Variants in MYOF observed in about 807,000 individuals in gnomAD.
The protein encoded by MYOF is fer-1-like 3, myoferlin.
MYOF carries 244 observed loss-of-function variants against 284.2 expected under a neutral mutation model. That is an observed-to-expected ratio of 0.86 (90% CI 0.77 to 0.95). The LOEUF is 0.95. Ranked by LOEUF, MYOF falls within the 40% of genes least tolerant of loss-of-function variation. The probability of loss-of-function intolerance (pLI) is 0.00; values close to 1 mark genes in which losing one functional copy is unlikely to be tolerated. For synonymous variants in MYOF, 904 were observed against 919.7 expected, an observed-to-expected ratio of 0.98 and a Z score of 0.31; for missense variants, 2,496 against 2,560.6, an observed-to-expected ratio of 0.97 and a Z score of 0.54.
chr10:93,395,173 G>T (rs117729215), intron 16 of MYOF, among the ~76,000 whole-genome samples: 5 of 151,934 alleles, frequency 3.3e-5, no homozygotes, highest in Admixed American at 1.3e-4. Context: ...GGCTGGACAC[G>T]GTGGCTCACG....
Position 93,396,239 on chromosome 10 carries a change from AAAAT to A in MYOF, c.1335-19_1335-16del. The stretch of plus-strand genomic sequence containing the variant: ...TAAGACGGTCCCTGTGTAAAAAATA[AAAAT>A]AAAAAAATAAAAAATAAAAGGTTCA... On this transcript the variant is annotated splice_polypyrimidine_tract_variant and intron_variant, in intron 15 of 53. Coordinates refer to ENST00000359263, the MANE Select transcript of MYOF (RefSeq NM_013451.4). 1 of 1,508,152 alleles carries A rather than the reference AAAAT, an allele frequency of 6.6e-7. No individual in the cohort carries two copies. The highest frequency in any genetic ancestry group is 9.0e-7 in the Non-Finnish European group (1 of 1,109,426). The allele number at this position is 1,508,152 out of a possible 1,614,324, so 93.4% of individuals were successfully genotyped here. A position where few individuals can be genotyped will look rare whatever the true frequency, so the allele number is the denominator to read the frequency against.
chr10:93,465,467 CA>C (rs1287681371), intron 1 of MYOF, among the ~76,000 whole-genome samples: 2 of 151,776 alleles, frequency 1.3e-5, no homozygotes, highest in Non-Finnish European at 2.9e-5. Flanking sequence ...ACACAGTAAG[CA>C]CTAAACAAAT....
At chr10:93,327,670 C>CGT (rs1843112086) in intron 45 of MYOF, among the ~76,000 whole-genome samples, 1 of 151,868 alleles carries the variant, frequency 6.6e-6, no homozygotes, top group South Asian at 2.1e-4. Flanking sequence ...TGCAAGTTCA[C>CGT]GTTAGAAGCA....
intron 22 of MYOF, 70 bp downstream of exon 22, chr10:93,377,253 T>C (rs1035191584): frequency 1.7e-5 from 18 of 1,090,712 alleles, no homozygotes; most frequent in Non-Finnish European, 2.2e-5. Context: ...TTCCACAGGA[T>C]TTACAGTCTT....
At position 93,343,912 on chromosome 10, in the gene MYOF, G is replaced by A; in HGVS notation, c.4270C>T (p.Pro1424Ser). 1 of 1,614,216 alleles carries A rather than the reference G, an allele frequency of 6.2e-7. No individual in the cohort carries two copies. The highest frequency in any genetic ancestry group is 1.1e-5 in the South Asian group (1 of 91,084). ...QLKASLLSAP[P>S]CRDIVIEMED... The stretch of plus-strand genomic sequence containing the variant: ...ATTTCGATAACGATGTCCCGGCATG[G>A]TGGGGCAGACAGAAGGGAGGCTGCA... The change falls in exon 38 of 54, where the codon CCA (proline) becomes TCA (serine). Residue 1424 changes from proline (P) to serine (S), a missense_variant. Pro to Ser is a moderately conservative substitution (Grantham distance 74). Around this residue, in one of 3 missense-constraint regions of MYOF, gnomAD observed 2,436 missense variants for 2,480.7 expected, o/e 0.98. Coordinates refer to ENST00000359263, the MANE Select transcript of MYOF (RefSeq NM_013451.4).
At chr10:93,415,295 C>T (rs997173509) in intron 5 of MYOF, among the ~76,000 whole-genome samples, 1 of 152,192 alleles carries the variant, frequency 6.6e-6, no homozygotes, top group East Asian at 1.9e-4. Context: ...CACCTCTGCA[C>T]CCAGCCAGCT....
intron 25 of MYOF, among the ~76,000 whole-genome samples, chr10:93,368,131 G>A (rs1365859556): frequency 2.0e-5 from 3 of 152,118 alleles, no homozygotes; most frequent in Non-Finnish European, 4.4e-5. Flanking sequence ...AATCCTACAG[G>A]AAGGCAGGAA....
At chr10:93,360,178 C>T (rs776305034) in intron 28 of MYOF, among the ~76,000 whole-genome samples, 200 bp from the exon 29 acceptor site, 1 of 152,202 alleles carries the variant, frequency 6.6e-6, no homozygotes, top group Non-Finnish European at 1.5e-5. Flanking sequence ...CCTCAAAATG[C>T]CTCCTTGGTG....
intron 7 of MYOF, among the ~76,000 whole-genome samples, chr10:93,405,045 C>T (rs1847489513): frequency 6.6e-6 from 1 of 152,232 alleles, no homozygotes; most frequent in African/African-American, 2.4e-5. Context: ...TACAGGACAG[C>T]TGAAAGAATG....
At chr10:93,424,457 G>GA (rs1429033735) in intron 5 of MYOF, among the ~76,000 whole-genome samples, 7 of 151,182 alleles carry the variant, frequency 4.6e-5, no homozygotes, top group African/African-American at 1.7e-4. Flanking sequence ...TTTTTTGTTT[G>GA]TTTTTTTTTG....
chr10:93,447,621 C>G (rs1486035250), intron 3 of MYOF, among the ~76,000 whole-genome samples: 1 of 152,198 alleles, frequency 6.6e-6, no homozygotes, highest in African/African-American at 2.4e-5. Context: ...GCCCCTTCCT[C>G]GGGGCTGAGA....
intron 17 of MYOF, among the ~76,000 whole-genome samples, chr10:93,389,452 A>G (rs1490662543): frequency 6.6e-6 from 1 of 152,254 alleles, no homozygotes; most frequent in East Asian, 1.9e-4. Flanking sequence ...TTGCAAGTTT[A>G]TAATGGGCAT....
At chr10:93,357,043 C>T (rs989638658) in intron 29 of MYOF, among the ~76,000 whole-genome samples, 195 bp from the exon 30 acceptor site, 1 of 152,204 alleles carries the variant, frequency 6.6e-6, no homozygotes, top group Non-Finnish European at 1.5e-5. Flanking sequence ...TGATGGACTG[C>T]AGGAGTGCAG....
At chr10:93,407,423 CAAAAAAAAA>C (rs144461915) in intron 7 of MYOF, among the ~76,000 whole-genome samples, 3 of 38,088 alleles carry the variant, frequency 7.9e-5, no homozygotes, top group Admixed American at 4.1e-4. Context: ...GACTCTGTCT[CAAAAAAAAA>C]AAAAAAAAAA....
rs769317984 is a variant in MYOF, at chr10:93,323,064, C to A, written c.5456+14G>T. 6 of 1,609,772 alleles carry A rather than the reference C, an allele frequency of 3.7e-6. No homozygotes were observed. On this transcript the variant is annotated intron_variant, in intron 48 of 53. Transcript: ENST00000359263. ...TCCCTGAGCTTGGCAAAGTCTCTCA[C>A]ATGCTAACCTTACCCTTTGACGTAG...
chr10:93,334,208 G>A (rs762190066), intron 41 of MYOF, among the ~76,000 whole-genome samples: 2 of 152,226 alleles, frequency 1.3e-5, no homozygotes, highest in East Asian at 3.9e-4. Context: ...GTGAAATACT[G>A]CACATTCTTT....
At position 93,318,835 on chromosome 10, in the gene MYOF, G is replaced by A. The variant is rs563655664; in HGVS notation, c.5598+1037C>T. ...CAGAGGGTAGGCCTAATGCGACACA[G>A]GGCTGGTGGCTGGTACATTCTGATC... On this transcript the variant is annotated intron_variant, in intron 49 of 53. Coordinates refer to ENST00000359263, the MANE Select transcript of MYOF (RefSeq NM_013451.4). 1.7e-4 allele frequency among the ~76,000 whole-genome samples: 26 copies of A among 152,296 alleles called. 1 individual carries two copies. In the South Asian group the frequency reaches 4.8e-3, roughly 28 times the overall value.
chr10:93,452,215 A>G (rs1564730404), intron 2 of MYOF, 74 bp from the exon 3 acceptor site: 5 of 873,214 alleles, frequency 5.7e-6, no homozygotes, highest in Non-Finnish European at 7.6e-6. Flanking sequence ...ACTAAGATGC[A>G]CCAGTACTAC....
chr10:93,370,396 T>C (rs1320589499), intron 24 of MYOF, among the ~76,000 whole-genome samples: 3 of 149,592 alleles, frequency 2.0e-5, no homozygotes, highest in Admixed American at 1.3e-4. Context: ...ACTGCACCCT[T>C]GACCTCCAGG....
Sources: gnomAD v4.1 joint callset for allele counts (sites outside exome capture counted in the v4.1 genomes callset) on GRCh38, gnomAD v4.1.1 for gene constraint, gnomAD v4.1.1 regional missense constraint, MANE v1.5 for transcripts, NCBI Gene and HGNC (gene_info 2026-07-23, HGNC 2026-07-21) for gene names.